The following FTCDNL1 variants were observed in gnomAD, a reference collection of about 807,000 sequenced individuals.
The protein encoded by FTCDNL1 is formiminotransferase N-terminal subdomain-containing protein.
In FTCDNL1, 11 loss-of-function variants were observed where a neutral mutation model predicts 5.9. The observed-to-expected ratio is 1.87, with a 90% CI of 1.18 to 3.10. The LOEUF is 3.10. Among genes scored for constraint, FTCDNL1 ranks in the 30% most tolerant of loss-of-function variants. The pLI is 0.00. For synonymous variants in FTCDNL1, 58 were observed against 24.8 expected (o/e 2.34, Z -3.99); for missense variants, 115 against 65.5 (o/e 1.76, Z -2.61).
chr2:199,673,327 C>CAAAAA, the FTCDNL1 span, among the ~76,000 whole-genome samples: 10 of 69,744 alleles, frequency 1.4e-4, no homozygotes, highest in African/African-American at 6.0e-4. Context: ...GACTCTGTCT[C>CAAAAA]AAAAAAAAAA....
At chr2:199,747,655 C>G in the FTCDNL1 span, among the ~76,000 whole-genome samples, 1 of 152,006 alleles carries the variant, frequency 6.6e-6, no homozygotes, top group South Asian at 2.1e-4. Context: ...TCCCCGGAGG[C>G]CAGCTCGCAT....
At chr2:199,752,982 G>A in the FTCDNL1 span, among the ~76,000 whole-genome samples, 5 of 152,012 alleles carry the variant, frequency 3.3e-5, no homozygotes, top group African/African-American at 4.8e-5. Context: ...TCTCATTGAC[G>A]ATAAGTGCCA....
downstream of FTCDNL1, among the ~76,000 whole-genome samples, chr2:199,806,555 T>C (rs1049496072): frequency 6.6e-6 from 1 of 152,234 alleles, no homozygotes; most frequent in South Asian, 2.1e-4. Context: ...TGGTCCTTTG[T>C]TGACCACGGA....
downstream of FTCDNL1, among the ~76,000 whole-genome samples, chr2:199,805,340 C>T (rs1574564712): frequency 6.6e-6 from 1 of 152,308 alleles, no homozygotes; most frequent in East Asian, 1.9e-4. Flanking sequence ...TGACTCATGA[C>T]TGTAATCCCA....
chr2:199,782,913 G>A (rs371267892), intron 3 of FTCDNL1, among the ~76,000 whole-genome samples: 2 of 152,082 alleles, frequency 1.3e-5, no homozygotes, highest in African/African-American at 2.4e-5. Context: ...TTAAACAAAG[G>A]ACTATGATTT....
At chr2:199,756,152 G>A (rs2106232913), downstream of FTCDNL1, among the ~76,000 whole-genome samples, 1 of 152,314 alleles carries the variant, frequency 6.6e-6, no homozygotes, top group South Asian at 2.1e-4. Flanking sequence ...GGGGTAATAT[G>A]AGGTGTCCTC....
chr2:199,778,707 T>C (rs1559179292), intron 3 of FTCDNL1, among the ~76,000 whole-genome samples: 1 of 152,194 alleles, frequency 6.6e-6, no homozygotes, highest in Non-Finnish European at 1.5e-5. Context: ...AAAAAGAAAT[T>C]ACAGATTTTC....
At chr2:199,800,996 A>G (rs559913525) in intron 3 of FTCDNL1, among the ~76,000 whole-genome samples, 5 of 152,368 alleles carry the variant, frequency 3.3e-5, no homozygotes, top group African/African-American at 1.2e-4. Context: ...TGTGCTGCCA[A>G]TAACTAGAAA....
chr2:199,818,883 C>G (rs1039712738), intron 4 of FTCDNL1: 1 of 152,086 alleles, frequency 6.6e-6, no homozygotes, highest in African/African-American at 2.4e-5. Context: ...AATTAAGACT[C>G]AAATAAGTGA....
the FTCDNL1 span, among the ~76,000 whole-genome samples, chr2:199,747,026 AACACACACACACAC>A: frequency 0.026 from 3,796 of 145,914 alleles, 157 homozygotes; most frequent in African/African-American, 0.091. Flanking sequence ...GTTTATTTAA[AACACACACACACAC>A]ACACACACAC....
the FTCDNL1 span, among the ~76,000 whole-genome samples, chr2:199,732,476 AT>A: frequency 1.3e-5 from 2 of 152,266 alleles, no homozygotes; most frequent in South Asian, 4.1e-4. Context: ...TGATATTGTA[AT>A]AACAAAAAAG....
At chr2:199,818,366 T>C (rs1701478690) in intron 4 of FTCDNL1, 2 of 152,244 alleles carry the variant, frequency 1.3e-5, no homozygotes, top group African/African-American at 2.4e-5. Flanking sequence ...TGAAATACAT[T>C]TGTAATATCA....
intron 3 of FTCDNL1, among the ~76,000 whole-genome samples, chr2:199,825,969 A>ATTTGTATGTGCTC (rs1702004228): frequency 6.6e-6 from 1 of 152,196 alleles, no homozygotes; most frequent in African/African-American, 2.4e-5. Context: ...TGTTCTGGTC[A>ATTTGTATGTGCTC]CATGTATGTG....
chr2:199,737,997 GCT>G, the FTCDNL1 span, among the ~76,000 whole-genome samples: 1 of 152,194 alleles, frequency 6.6e-6, no homozygotes, highest in African/African-American at 2.4e-5. Context: ...CACGGCACAG[GCT>G]CACGGAGCCT....
At chr2:199,833,557 C>G (rs1405733259) in intron 3 of FTCDNL1, among the ~76,000 whole-genome samples, 1 of 152,216 alleles carries the variant, frequency 6.6e-6, no homozygotes, top group Admixed American at 6.5e-5. Flanking sequence ...AATCCTTCTG[C>G]TGGATAACAT....
At chr2:199,806,479 T>C (rs927199463), downstream of FTCDNL1, among the ~76,000 whole-genome samples, 1 of 152,176 alleles carries the variant, frequency 6.6e-6, no homozygotes, top group African/African-American at 2.4e-5. Flanking sequence ...GAAACAAAAC[T>C]GTATATCAAG....
the FTCDNL1 span, among the ~76,000 whole-genome samples, chr2:199,711,338 G>A: frequency 7.5e-6 from 1 of 132,590 alleles, no homozygotes; most frequent in Non-Finnish European, 1.6e-5. Flanking sequence ...TGTAATGACA[G>A]AAGGTGACTA....
At chr2:199,743,125 T>C in the FTCDNL1 span, among the ~76,000 whole-genome samples, 5 of 152,172 alleles carry the variant, frequency 3.3e-5, no homozygotes, top group Non-Finnish European at 7.3e-5. Context: ...CAGCTGGGGC[T>C]ACAGTGGTGT....
the FTCDNL1 span, among the ~76,000 whole-genome samples, chr2:199,670,789 CAG>C: frequency 1.3e-5 from 2 of 152,128 alleles, no homozygotes; most frequent in Non-Finnish European, 2.9e-5. Flanking sequence ...GATGCACAGG[CAG>C]AGTCAGTAGA....
Sources: gnomAD v4.1 joint callset for allele counts (sites outside exome capture counted in the v4.1 genomes callset) on GRCh38, gnomAD v4.1.1 for gene constraint, MANE v1.5 for transcripts, NCBI Gene and HGNC (gene_info 2026-07-23, HGNC 2026-07-21) for gene names.